The following LILRB3 variants were observed in gnomAD, a reference collection of about 807,000 sequenced individuals.
LILRB3 encodes leukocyte immunoglobulin-like receptor subfamily B member 3.
A neutral mutation model predicts 68.2 loss-of-function variants in LILRB3; 32 were observed. That is an observed-to-expected ratio of 0.47 (90% CI 0.35 to 0.63). The LOEUF (loss-of-function observed/expected upper bound fraction) is 0.63, where lower values mean the gene tolerates loss of function less well. LILRB3 is among the 30% of genes least tolerant of loss of function. LILRB3 has a pLI of 0.00. For synonymous variants in LILRB3, 185 were observed against 323.1 expected (o/e 0.57, Z 4.58); for missense variants, 502 against 791.3 (o/e 0.63, Z 4.39).
In LILRB3 at chr19:54,222,805, G is replaced by T; in HGVS notation, c.35-23C>A. Reference sequence around the variant, plus strand: ...GCCCTGGAAGAGAGTTCCCTGTGAGGCATTTGCCCTGAAGCCTGAGCAGGT... The same window carrying T: ...GCCCTGGAAGAGAGTTCCCTGTGAGTCATTTGCCCTGAAGCCTGAGCAGGT... On this transcript the variant is annotated intron_variant, in intron 1 of 12. Coordinates refer to ENST00000445347, the Ensembl canonical transcript of LILRB3. 2.5e-6 allele frequency: 4 copies of T among 1,612,642 alleles called. No individual in the cohort carries two copies. The Admixed American group carries it at 6.7e-5, about 27-fold the overall frequency.
At chr19:54,219,213 C>A in exon 8 of LILRB3, 1 of 1,599,922 alleles carries the variant, frequency 6.3e-7, no homozygotes, top group Non-Finnish European at 8.5e-7. Flanking sequence ...GCCACCGAGA[C>A]CCCAATCAAA....
Position 54,220,482 on chromosome 19 carries a change from G to A in LILRB3, c.1258+46C>T, listed in dbSNP as rs368403726. ...GAGAGCTCTCCTGGGGGCCTGGGCC[G>A]GAGCTGAGCCTTTGAGCTCAGAGAG... On this transcript the variant is annotated intron_variant, in intron 6 of 12. Transcript: ENST00000445347. 56 of 1,185,704 alleles carry A rather than the reference G, an allele frequency of 4.7e-5. 5 individuals carry two copies. Among genetic ancestry groups the A allele is most frequent in the East Asian group, 1.6e-4 (4 of 25,690 alleles). 73.4% of individuals were successfully genotyped at this position (1,185,704 alleles called of 1,614,324 possible). A position where few individuals can be genotyped will look rare whatever the true frequency, so the allele number is the denominator to read the frequency against.
chr19:54,218,862 C>T (rs1298492613), intron 8 of LILRB3, 24 bp from the exon 9 acceptor site: 21 of 1,613,950 alleles, frequency 1.3e-5, no homozygotes, highest in Admixed American at 1.7e-5. Flanking sequence ...GACAGAGTCT[C>T]AGCCCTGGGA....
exon 8 of LILRB3, chr19:54,219,145 G>A (rs777408054): frequency 1.9e-6 from 3 of 1,603,634 alleles, no homozygotes; most frequent in Non-Finnish European, 1.7e-6. Context: ...TCCTGTGTTT[G>A]CTGTGACGCT....
intron 8 of LILRB3, 111 bp from the exon 9 acceptor site, chr19:54,218,949 A>G: frequency 6.4e-7 from 1 of 1,555,134 alleles, no homozygotes; most frequent in Non-Finnish European, 8.7e-7. Flanking sequence ...TGGATGTTCC[A>G]AATATTTTAT....
exon 1 of LILRB3, chr19:54,222,952 G>T: frequency 1.2e-6 from 2 of 1,612,674 alleles, no homozygotes; most frequent in East Asian, 2.2e-5. Context: ...CCAAGGCAGA[G>T]CAGGGCTGTG....
chr19:54,219,424 G>A (rs562947056), intron 7 of LILRB3, 179 bp from the exon 8 acceptor site: 2 of 1,494,218 alleles, frequency 1.3e-6, no homozygotes, highest in East Asian at 4.9e-5. Context: ...AGAGCAGGGA[G>A]TCGCCTGCCC....
intron 6 of LILRB3, 145 bp from the exon 7 acceptor site, chr19:54,220,350 G>T: frequency 8.8e-7 from 1 of 1,135,812 alleles, no homozygotes; most frequent in South Asian, 1.6e-5. Context: ...AGGCAGGGGA[G>T]AACGGGTGGC....
exon 9 of LILRB3, chr19:54,218,796 T>C: frequency 6.2e-7 from 1 of 1,614,108 alleles, no homozygotes; most frequent in South Asian, 1.1e-5. Flanking sequence ...GGGCTCTGTC[T>C]CCGCAGCCCC....
At chr19:54,222,660 A>C (rs2078313567) in intron 2 of LILRB3, 87 bp downstream of exon 2, 15 of 1,612,146 alleles carry the variant, frequency 9.3e-6, no homozygotes, top group Admixed American at 3.3e-5. Flanking sequence ...AGTCACCCAG[A>C]ACTACTGTCT....
At chr19:54,222,820 C>T in intron 1 of LILRB3, 38 bp from the exon 2 acceptor site, 1 of 1,612,628 alleles carries the variant, frequency 6.2e-7, no homozygotes, top group African/African-American at 1.4e-5. Context: ...TGCCCTGAAG[C>T]CTGAGCAGGT....
chr19:54,216,981 G>A (rs2077520268), exon 13 of LILRB3: 4 of 1,582,082 alleles, frequency 2.5e-6, no homozygotes, highest in Non-Finnish European at 3.4e-6. Context: ...CATGGTCTGT[G>A]TTAGGGGTCC....
chr19:54,218,548 G>A lies in LILRB3; in HGVS notation c.1540+97C>T, dbSNP rs1173358427. On this transcript the variant is annotated intron_variant, in intron 10 of 12. Transcript: ENST00000445347. ...AGTGTGGGGCAAGACCATCTTCCACGGAGCCCCAGACCCTTCCCAGCCCCT... is the reference window on the plus strand; with the variant it reads ...AGTGTGGGGCAAGACCATCTTCCACAGAGCCCCAGACCCTTCCCAGCCCCT... 25 of 1,604,472 alleles carry A rather than the reference G, an allele frequency of 1.6e-5. No homozygotes were observed. The Middle Eastern group carries it at 6.7e-4, about 43-fold the overall frequency.
At chr19:54,216,977 C>T in exon 13 of LILRB3, 17 of 1,563,906 alleles carry the variant, frequency 1.1e-5, no homozygotes, top group Non-Finnish European at 1.5e-5. Context: ...TCCTCATGGT[C>T]TGTGTTAGGG....
Position 54,222,903 on chromosome 19 carries a change from C to A in LILRB3, c.34+40G>T, listed in dbSNP as rs1385675915. Reference sequence around the variant, plus strand: ...GGCTTGTGTGTGGGGTGGGGTTCCTCCAAGACTCGGATCTCCCCCTCCCCA... The same window carrying A: ...GGCTTGTGTGTGGGGTGGGGTTCCTACAAGACTCGGATCTCCCCCTCCCCA... On this transcript the variant is annotated intron_variant, in intron 1 of 12. Coordinates refer to ENST00000445347, the Ensembl canonical transcript of LILRB3. 6.2e-6 allele frequency: 10 copies of A among 1,612,444 alleles called. No individual in the cohort carries two copies. The African/African-American group carries it at 8.2e-5, about 13-fold the overall frequency.
chr19:54,219,998 C>A, intron 7 of LILRB3, 157 bp downstream of exon 7: 1 of 1,185,256 alleles, frequency 8.4e-7, no homozygotes, highest in Middle Eastern at 2.1e-4. Context: ...GGCTGGGCCC[C>A]AACATCTCCC....
exon 13 of LILRB3, chr19:54,216,708 A>C: frequency 9.3e-7 from 1 of 1,070,414 alleles, no homozygotes; most frequent in Non-Finnish European, 1.1e-6. Context: ...TTTAGAGACA[A>C]GGTCTCGCTC....
chr19:54,222,840 G>T (rs1175414403), intron 1 of LILRB3, 58 bp from the exon 2 acceptor site: 1 of 1,612,592 alleles, frequency 6.2e-7, no homozygotes, highest in South Asian at 1.1e-5. Context: ...TCCCCGCCCG[G>T]GTGCCTCCTG....
chr19:54,219,240 C>T, exon 8 of LILRB3: 2 of 1,572,226 alleles, frequency 1.3e-6, no homozygotes, highest in Non-Finnish European at 1.7e-6. Flanking sequence ...AGGTATCTTC[C>T]CAGACCTTGA....
Sources: allele counts gnomAD v4.1 joint callset, GRCh38; gene constraint gnomAD v4.1.1; transcripts MANE v1.5; gene names NCBI Gene and HGNC (gene_info 2026-07-23, HGNC 2026-07-21).